Variants in RASAL2 observed in about 807,000 individuals in gnomAD.
The protein encoded by RASAL2 is ras GTPase-activating protein nGAP.
A neutral mutation model predicts 128.9 loss-of-function variants in RASAL2; 58 were observed. The observed-to-expected ratio is 0.45, with a 90% CI of 0.36 to 0.56. RASAL2 has a LOEUF of 0.56. Among genes scored for constraint, RASAL2 ranks in the 20% least tolerant of loss-of-function variants. The probability of loss-of-function intolerance (pLI) is 0.00; values close to 1 mark genes in which losing one functional copy is unlikely to be tolerated. For synonymous variants in RASAL2, 561 were observed against 580.8 expected (o/e 0.97, Z 0.49); for missense variants, 1,360 against 1,601.6 (o/e 0.85, Z 2.57).
chr1:178,463,515 G>A (rs1253826170), intron 14 of RASAL2, among the ~76,000 whole-genome samples: 1 of 152,122 alleles, frequency 6.6e-6, no homozygotes, highest in African/African-American at 2.4e-5. Context: ...GTGTTGGTAT[G>A]TCTATTCAGT....
intron 3 of RASAL2, among the ~76,000 whole-genome samples, chr1:178,371,322 C>CCACACACACACA (rs370972772): frequency 0.016 from 1,968 of 124,416 alleles, 28 homozygotes; most frequent in African/African-American, 0.039. Context: ...GCCTTCTTTC[C>CCACACACACACA]CACACACACA....
chr1:178,383,093 A>G (rs1222369074), intron 3 of RASAL2, among the ~76,000 whole-genome samples: 2 of 152,296 alleles, frequency 1.3e-5, no homozygotes, highest in African/African-American at 4.8e-5. Flanking sequence ...GAAATATTAA[A>G]TATTAAAAAT....
At chr1:178,312,849 T>A (rs1347126179) in intron 3 of RASAL2, among the ~76,000 whole-genome samples, 1 of 152,182 alleles carries the variant, frequency 6.6e-6, no homozygotes, top group Non-Finnish European at 1.5e-5. Flanking sequence ...AACAAAAAAG[T>A]AGCTCAGGAC....
intron 3 of RASAL2, 69 bp from the exon 4 acceptor site, chr1:178,390,029 CTT>C: frequency 2.1e-6 from 2 of 939,478 alleles, no homozygotes; most frequent in Non-Finnish European, 1.6e-6. Flanking sequence ...AAACCAGTAA[CTT>C]TACAGTTCAG....
At chr1:178,411,966 C>T in intron 4 of RASAL2, 1 of 588,662 alleles carries the variant, frequency 1.7e-6, no homozygotes, top group Middle Eastern at 2.8e-4. Context: ...CCCCCATCCC[C>T]TCTTGACGGC....
intron 3 of RASAL2, among the ~76,000 whole-genome samples, chr1:178,360,074 G>T (rs1186074949): frequency 6.6e-6 from 1 of 152,112 alleles, no homozygotes; most frequent in Non-Finnish European, 1.5e-5. Flanking sequence ...CTATGATGGG[G>T]AGCCAATCGT....
chr1:178,362,372 GAT>G (rs1671166292), intron 3 of RASAL2, among the ~76,000 whole-genome samples: 1 of 151,934 alleles, frequency 6.6e-6, no homozygotes, highest in African/African-American at 2.4e-5. Context: ...ATGATGTTTT[GAT>G]ATACATAGTG....
chr1:178,286,790 A>G (rs972072352), intron 2 of RASAL2, among the ~76,000 whole-genome samples: 13 of 152,202 alleles, frequency 8.5e-5, no homozygotes, highest in South Asian at 4.1e-4. Flanking sequence ...AGACTACTCC[A>G]GTTTTAATTT....
chr1:178,257,562 G>A (rs1665429657), intron 1 of RASAL2, among the ~76,000 whole-genome samples: 1 of 152,138 alleles, frequency 6.6e-6, no homozygotes, highest in South Asian at 2.1e-4. Context: ...TGTAGGCTGG[G>A]CATGGTGGCT....
intron 1 of RASAL2, among the ~76,000 whole-genome samples, chr1:178,162,468 A>G (rs12042852): frequency 8.1e-6 from 1 of 124,066 alleles, no homozygotes; most frequent in African/African-American, 3.1e-5. Flanking sequence ...AATATATTTT[A>G]TATATTTATA....
intron 1 of RASAL2, among the ~76,000 whole-genome samples, chr1:178,114,614 T>C (rs1659457341): frequency 6.6e-6 from 1 of 151,924 alleles, no homozygotes; most frequent in Non-Finnish European, 1.5e-5. Context: ...CTCCGCCTCC[T>C]GGGTTCATGC....
intron 2 of RASAL2, among the ~76,000 whole-genome samples, chr1:178,298,451 A>G (rs144492014): frequency 5.7e-4 from 87 of 152,324 alleles, no homozygotes; most frequent in Non-Finnish European, 6.5e-4. Context: ...TGAAGTGCCT[A>G]TGGAGGCATT....
intron 5 of RASAL2, among the ~76,000 whole-genome samples, chr1:178,427,945 C>T (rs1675630476): frequency 6.6e-6 from 1 of 152,062 alleles, no homozygotes; most frequent in Non-Finnish European, 1.5e-5. Context: ...CTATCACATC[C>T]CTTAAAGAAC....
intron 1 of RASAL2, among the ~76,000 whole-genome samples, chr1:178,115,159 C>T (rs1659482131): frequency 6.6e-6 from 1 of 152,106 alleles, no homozygotes; most frequent in East Asian, 1.9e-4. Context: ...AATCCAATTT[C>T]CTTAATAGAT....
intron 1 of RASAL2, among the ~76,000 whole-genome samples, chr1:178,252,620 C>A (rs1028006901): frequency 6.6e-6 from 1 of 152,054 alleles, no homozygotes; most frequent in Non-Finnish European, 1.5e-5. Context: ...GAAATGAAAT[C>A]ATTAAGATCA....
chr1:178,123,370 T>C (rs963440312), intron 1 of RASAL2, among the ~76,000 whole-genome samples: 1 of 152,244 alleles, frequency 6.6e-6, no homozygotes, highest in East Asian at 1.9e-4. Flanking sequence ...CACATAATTA[T>C]AGCATTCATT....
chr1:178,401,052 A>G (rs1400736350), intron 4 of RASAL2, among the ~76,000 whole-genome samples: 1 of 152,202 alleles, frequency 6.6e-6, no homozygotes, highest in Non-Finnish European at 1.5e-5. Context: ...CACCCAGCCA[A>G]TAGTCAAAAT....
chr1:178,164,926 T>C (rs1661470266), intron 1 of RASAL2, among the ~76,000 whole-genome samples: 1 of 151,122 alleles, frequency 6.6e-6, no homozygotes, highest in Admixed American at 6.6e-5. Flanking sequence ...CAAGTATGTA[T>C]TGGAAAAAAA....
intron 1 of RASAL2, among the ~76,000 whole-genome samples, chr1:178,204,801 C>T (rs1387473110): frequency 6.6e-6 from 1 of 152,050 alleles, no homozygotes; most frequent in Non-Finnish European, 1.5e-5. Context: ...GCATCATTTG[C>T]CACTTAATTT....
Sources: allele counts gnomAD v4.1 joint callset (sites outside exome capture counted in the v4.1 genomes callset), GRCh38; gene constraint gnomAD v4.1.1; transcripts MANE v1.5; gene names NCBI Gene and HGNC (gene_info 2026-07-23, HGNC 2026-07-21).